The following IQUB variants were observed in gnomAD, a reference collection of about 807,000 sequenced individuals.
IQUB encodes the protein IQ motif and ubiquitin domain containing, also known as IQ motif and ubiquitin-like domain-containing protein.
In IQUB, 86 loss-of-function variants were observed where a neutral mutation model predicts 86.4. The observed-to-expected ratio is 1.00, with a 90% CI of 0.84 to 1.19. The LOEUF (loss-of-function observed/expected upper bound fraction) is 1.19, where lower values mean the gene tolerates loss of function less well. Among genes scored for constraint, IQUB ranks in the 50% most tolerant of loss-of-function variants. IQUB has a pLI of 0.00. For synonymous variants in IQUB, 289 were observed against 304.5 expected (o/e 0.95, Z 0.53); for missense variants, 946 against 916.9 (o/e 1.03, Z -0.41).
intron 7 of IQUB, among the ~76,000 whole-genome samples, chr7:123,494,380 A>T (rs1382929554): frequency 6.6e-6 from 1 of 152,190 alleles, no homozygotes; most frequent in Non-Finnish European, 1.5e-5. Context: ...ATTATGAGCC[A>T]CAAGAGGGCA....
At chr7:123,469,434 A>T (rs775563672) in intron 8 of IQUB, 50 bp from the exon 9 acceptor site, 1 of 1,142,858 alleles carries the variant, frequency 8.7e-7, no homozygotes, top group African/African-American at 1.6e-5. Flanking sequence ...GAAACTACGT[A>T]TAACAATTTT....
chr7:123,481,444 G>A (rs1031666108), intron 7 of IQUB, among the ~76,000 whole-genome samples: 5 of 151,938 alleles, frequency 3.3e-5, no homozygotes, highest in Admixed American at 1.3e-4. Context: ...CTGCTAAAAC[G>A]ATAAAAGAAA....
Position 123,496,804 on chromosome 7 carries a change from C to T in IQUB, c.1126G>A (p.Glu376Lys). 1 of 1,612,240 alleles carries T rather than the reference C, an allele frequency of 6.2e-7. No homozygotes were observed. The highest frequency in any genetic ancestry group is 8.5e-7 in the Non-Finnish European group (1 of 1,178,872). Residue 376 changes from glutamate (E) to lysine (K), a missense_variant, in exon 7 of 13, where the codon GAA becomes AAA. Physicochemically the swap from Glu to Lys is moderately conservative, Grantham distance 56. Coordinates refer to ENST00000324698, the MANE Select transcript of IQUB (RefSeq NM_178827.5). ...TCTTTTTCTCTTATCTTCCTTAGTTCTTGCTGTGTTTCCCATTCCAGTCTT... is the reference window on the plus strand; with the variant it reads ...TCTTTTTCTCTTATCTTCCTTAGTTTTTGCTGTGTTTCCCATTCCAGTCTT... Reference protein sequence around the residue: ...SLRLEWETQQELRKIREKEEW... With the variant: ...SLRLEWETQQKLRKIREKEEW...
At chr7:123,468,351 T>TA (rs1208136870) in intron 9 of IQUB, among the ~76,000 whole-genome samples, 2 of 152,224 alleles carry the variant, frequency 1.3e-5, no homozygotes, top group African/African-American at 4.8e-5. Flanking sequence ...CTTTGGGGCC[T>TA]ATCTAAATCC....
At chr7:123,504,813 A>G (rs1796103732) in intron 3 of IQUB, among the ~76,000 whole-genome samples, 1 of 152,132 alleles carries the variant, frequency 6.6e-6, no homozygotes, top group Non-Finnish European at 1.5e-5. Context: ...ATGTCCTCAC[A>G]TTGCAAAATA....
chr7:123,473,371 A>G (rs1409466813), intron 8 of IQUB, among the ~76,000 whole-genome samples: 1 of 152,200 alleles, frequency 6.6e-6, no homozygotes, highest in African/African-American at 2.4e-5. Context: ...GCAATTGTGA[A>G]TAGTGTACAA....
intron 7 of IQUB, among the ~76,000 whole-genome samples, chr7:123,493,004 A>G (rs551615575): frequency 6.6e-6 from 1 of 152,284 alleles, no homozygotes; most frequent in African/African-American, 2.4e-5. Context: ...CCCTTTTGAT[A>G]GAAAACAAAG....
chr7:123,525,123 T>C (rs906786577), intron 1 of IQUB, among the ~76,000 whole-genome samples: 23 of 152,344 alleles, frequency 1.5e-4, no homozygotes, highest in Non-Finnish European at 2.9e-4. Context: ...TTGAAGATTT[T>C]TGCATCAATG....
At chr7:123,523,663 C>G (rs1797024994) in intron 1 of IQUB, among the ~76,000 whole-genome samples, 1 of 151,716 alleles carries the variant, frequency 6.6e-6, no homozygotes, top group South Asian at 2.1e-4. Flanking sequence ...TGCCTGTTCA[C>G]TCTGATGGTA....
chr7:123,534,436 C>A (rs962712240), intron 1 of IQUB, 56 bp downstream of exon 1: 1 of 152,686 alleles, frequency 6.5e-6, no homozygotes, highest in African/African-American at 2.4e-5. Context: ...GTCACCGGCT[C>A]TAGGCTGGAT....
At chr7:123,512,869 G>A (rs1330614360) in intron 1 of IQUB, among the ~76,000 whole-genome samples, 1 of 152,108 alleles carries the variant, frequency 6.6e-6, no homozygotes, top group Non-Finnish European at 1.5e-5. Context: ...ATTGAGCTTG[G>A]AGCTGACTAG....
intron 1 of IQUB, among the ~76,000 whole-genome samples, chr7:123,522,048 C>G (rs530359699): frequency 1.3e-5 from 2 of 152,104 alleles, no homozygotes; most frequent in African/African-American, 4.8e-5. Context: ...TCTTGAGTGT[C>G]CCTACATGTT....
intron 1 of IQUB, chr7:123,532,884 A>T (rs1797605966): frequency 6.6e-6 from 1 of 152,312 alleles, no homozygotes; most frequent in Non-Finnish European, 1.5e-5. Flanking sequence ...AAAGGCCCCC[A>T]AGCTTGGCGC....
intron 1 of IQUB, among the ~76,000 whole-genome samples, chr7:123,512,710 G>A (rs35244236): frequency 0.1 from 15,549 of 152,102 alleles, 1,050 homozygotes; most frequent in Middle Eastern, 0.17. Flanking sequence ...CATTACAAAT[G>A]ATTAGAAGCT....
At chr7:123,484,504 T>C (rs1795137533) in intron 7 of IQUB, among the ~76,000 whole-genome samples, 1 of 152,092 alleles carries the variant, frequency 6.6e-6, no homozygotes, top group African/African-American at 2.4e-5. Context: ...ATGGATGTAC[T>C]GCAAAAGTGA....
chr7:123,472,518 T>A (rs1563437195), intron 8 of IQUB, among the ~76,000 whole-genome samples: 1 of 152,124 alleles, frequency 6.6e-6, no homozygotes, highest in Admixed American at 6.6e-5. Flanking sequence ...GATAAATAGG[T>A]AACTATGGGT....
intron 6 of IQUB, among the ~76,000 whole-genome samples, chr7:123,498,652 T>C (rs1795809849): frequency 6.6e-6 from 1 of 152,170 alleles, no homozygotes; most frequent in African/African-American, 2.4e-5. Flanking sequence ...GAAAGCTCTG[T>C]CATATTTAAC....
At chr7:123,503,644 C>A (rs1361344253) in intron 3 of IQUB, among the ~76,000 whole-genome samples, 1 of 151,732 alleles carries the variant, frequency 6.6e-6, no homozygotes, top group East Asian at 1.9e-4. Flanking sequence ...CTAGAAATGG[C>A]TAATTACACA....
intron 7 of IQUB, among the ~76,000 whole-genome samples, chr7:123,485,913 G>A (rs528190734): frequency 1.3e-5 from 2 of 152,254 alleles, no homozygotes; most frequent in South Asian, 4.1e-4. Context: ...AGAGGTTTCT[G>A]GAAGATCATT....
Sources: gnomAD v4.1 joint callset for allele counts (sites outside exome capture counted in the v4.1 genomes callset) on GRCh38, gnomAD v4.1.1 for gene constraint, MANE v1.5 for transcripts, NCBI Gene and HGNC (gene_info 2026-07-23, HGNC 2026-07-21) for gene names.